Variants in CSTF1 observed in about 807,000 individuals in gnomAD.
The protein encoded by CSTF1 is cleavage stimulation factor subunit 1, also known as CF-1 50 kDa subunit.
A neutral mutation model predicts 40.9 loss-of-function variants in CSTF1; 2 were observed. The observed-to-expected ratio is 0.05, with a 90% CI of 0.02 to 0.15. CSTF1 has a LOEUF of 0.15. CSTF1 is among the 10% of genes least tolerant of loss of function. The pLI is 1.00. For synonymous variants in CSTF1, 218 were observed against 207.2 expected, an observed-to-expected ratio of 1.05 and a Z score of -0.45; for missense variants, 279 against 558.9, an observed-to-expected ratio of 0.50 and a Z score of 5.05.
intron 4 of CSTF1, among the ~76,000 whole-genome samples, chr20:56,398,627 TAAA>T (rs971730804): frequency 4.5e-4 from 69 of 152,282 alleles, no homozygotes; most frequent in African/African-American, 1.6e-3. Context: ...TAGAGCAAAT[TAAA>T]GAAGCTCTTA....
chr20:56,397,121 T>C lies in CSTF1; in HGVS notation c.170-86T>C, dbSNP rs1308596352. On this transcript the variant is annotated intron_variant, in intron 2 of 5. Transcript: ENST00000217109. The surrounding 1 kb of genome is among the most constrained non-coding windows in gnomAD (Gnocchi z 4.4). Reference sequence around the variant, plus strand: ...TAGGAGGTTGACACTGGTGAGCATCTTTCCAGTTTGGATCTAGAATTTTAT... The same window carrying C: ...TAGGAGGTTGACACTGGTGAGCATCCTTCCAGTTTGGATCTAGAATTTTAT... The C allele has an allele frequency of 1.3e-5, 18 of 1,430,194 alleles. No homozygotes were observed. The highest frequency in any genetic ancestry group is 4.3e-5 in the African/African-American group (3 of 70,296). 88.6% of individuals were successfully genotyped at this position (1,430,194 alleles called of 1,614,324 possible).
intron 1 of CSTF1, among the ~76,000 whole-genome samples, chr20:56,394,924 G>T (rs1239808411): frequency 6.6e-6 from 1 of 151,972 alleles, no homozygotes; most frequent in East Asian, 1.9e-4. Flanking sequence ...CCTTTCTAAC[G>T]CATTTAACTC....
At position 56,399,172 on chromosome 20, in the gene CSTF1, G is replaced by C. The variant is rs1296552367; in HGVS notation, c.851G>C (p.Gly284Ala). Residue 284 changes from glycine (G) to alanine (A), a missense_variant, in exon 5 of 6, where the codon GGC (glycine) becomes GCC (alanine). This residue lies in a region of CSTF1 where 162 missense variants were observed against 337.1 expected (regional missense o/e 0.48). Transcript: ENST00000217109. This position sits in a 1 kb window ranked among gnomAD's most constrained non-coding sequence, Gnocchi z 4.6. ...ATGTACGTAACTGGAAGCAAGGACGGCTGCATCAAATTATGGGATGGTGTT... is the reference window on the plus strand; with the variant it reads ...ATGTACGTAACTGGAAGCAAGGACGCCTGCATCAAATTATGGGATGGTGTT... The part of the protein sequence containing the change: ...ANMYVTGSKD[G>A]CIKLWDGVSN... 5.6e-6 allele frequency: 9 copies of C among 1,614,208 alleles called. No individual in the cohort carries two copies. Among genetic ancestry groups the C allele is most frequent in the Non-Finnish European group, 7.6e-6 (9 of 1,180,034 alleles).
chr20:56,392,888 C>T lies in CSTF1; in HGVS notation c.-33+175C>T, dbSNP rs1458390141. ...TGCACCCCTTCCTCTTCTCGAAGGG[C>T]CTCGCTTCCATTCCCACCCAGTCCT... On this transcript the variant is annotated intron_variant, in intron 1 of 5. Coordinates refer to ENST00000217109, the MANE Select transcript of CSTF1 (RefSeq NM_001324.3). The T allele has an allele frequency of 3.9e-5, 6 of 152,196 alleles. No individual in the cohort carries two copies. In the East Asian group the frequency reaches 1.2e-3, roughly 29 times the overall value. The allele number at this position is 152,196 out of a possible 1,614,324, so 9.4% of individuals were successfully genotyped here.
In CSTF1 at chr20:56,397,817, A is replaced by G. The variant is rs540022505; in HGVS notation, c.621A>G (p.Ala207=). 9.7e-5 allele frequency: 156 copies of G among 1,613,640 alleles called. No individual in the cohort carries two copies. In the Admixed American group the frequency reaches 1.0e-3, roughly 11 times the overall value. The part of the protein sequence containing the change: ...LKLFDYSKPS[A]KRAFKYIQEA... ...TATTTGATTATTCCAAACCATCAGC[A>G]AAAAGAGCCTTCAAATACATTCAGG... is the stretch of plus-strand genomic sequence containing the variant. The change falls in exon 4 of 6, where the codon GCA becomes GCG. Residue 207 remains alanine, a synonymous_variant. Transcript: ENST00000217109. The surrounding 1 kb of genome is among the most constrained non-coding windows in gnomAD (Gnocchi z 4.4).
intron 5 of CSTF1, among the ~76,000 whole-genome samples, chr20:56,402,840 C>T (rs368837431): frequency 1.7e-4 from 25 of 151,150 alleles, no homozygotes; most frequent in Non-Finnish European, 2.5e-4. Context: ...GAGGCTGAGG[C>T]GGGAGAATCA....
Position 56,399,149 on chromosome 20 carries a change from G to A in CSTF1, c.828G>A (p.Met276Ile). ...CSVNYNSSAN[M>I]YVTGSKDGCI... Reference sequence around the variant, plus strand: ...TTAATTACAATTCTAGTGCCAATATGTACGTAACTGGAAGCAAGGACGGCT... The same window carrying A: ...TTAATTACAATTCTAGTGCCAATATATACGTAACTGGAAGCAAGGACGGCT... The change falls in exon 5 of 6, where the codon ATG becomes ATA. Residue 276 changes from methionine (M) to isoleucine (I), a missense_variant. This residue lies in a region of CSTF1 where 162 missense variants were observed against 337.1 expected (regional missense o/e 0.48). Coordinates refer to ENST00000217109, the MANE Select transcript of CSTF1 (RefSeq NM_001324.3). The surrounding 1 kb of genome is among the most constrained non-coding windows in gnomAD (Gnocchi z 4.6). 6.2e-7 allele frequency: 1 copy of A among 1,614,180 alleles called. No individual in the cohort carries two copies. Among genetic ancestry groups the A allele is most frequent in the Non-Finnish European group, 8.5e-7 (1 of 1,180,012 alleles).
At chr20:56,393,699 G>T in intron 1 of CSTF1, among the ~76,000 whole-genome samples, 1 of 152,030 alleles carries the variant, frequency 6.6e-6, no homozygotes, top group Non-Finnish European at 1.5e-5. Flanking sequence ...GGTGAACGGA[G>T]GAAATGTATG....
chr20:56,400,988 G>A (rs553706495), intron 5 of CSTF1, among the ~76,000 whole-genome samples: 16 of 152,224 alleles, frequency 1.1e-4, no homozygotes, highest in South Asian at 6.2e-4. Flanking sequence ...GCAGTGAGCC[G>A]AGATTGCGCT....
At chr20:56,393,585 A>T (rs1987395466) in intron 1 of CSTF1, among the ~76,000 whole-genome samples, 1 of 142,378 alleles carries the variant, frequency 7.0e-6, no homozygotes, top group African/African-American at 2.6e-5. Flanking sequence ...CTAAAAGTTG[A>T]AGTCAGATGA....
chr20:56,403,443 C>T (rs1226563622), intron 5 of CSTF1, 25 bp from the exon 6 acceptor site: 5 of 1,612,176 alleles, frequency 3.1e-6, no homozygotes, highest in Non-Finnish European at 3.4e-6. Flanking sequence ...ACTTAGAAAG[C>T]TATCCCTCTT....
chr20:56,398,840 A>T, intron 4 of CSTF1, 127 bp from the exon 5 acceptor site: 2 of 860,354 alleles, frequency 2.3e-6, no homozygotes, highest in Non-Finnish European at 3.5e-6. Flanking sequence ...TTTTTTTCTT[A>T]TGATACCTGT....
chr20:56,403,685 C>T lies in CSTF1; in HGVS notation c.1254C>T (p.Asp418=). The T allele has an allele frequency of 6.2e-7, 1 of 1,614,006 alleles. No individual in the cohort carries two copies. The highest frequency in any genetic ancestry group is 8.5e-7 in the Non-Finnish European group (1 of 1,179,912). The change falls in exon 6 of 6, where the codon GAC becomes GAT. Residue 418 remains aspartate (D), a synonymous_variant. Coordinates refer to ENST00000217109, the MANE Select transcript of CSTF1 (RefSeq NM_001324.3). ...CCGGGTTCATGACGTGCAGCGATGACTTCAGAGCGCGGTTTTGGTACCGGA... is the reference window on the plus strand; with the variant it reads ...CCGGGTTCATGACGTGCAGCGATGATTTCAGAGCGCGGTTTTGGTACCGGA... ...TNPGFMTCSD[D]FRARFWYRRS... is the part of the protein sequence containing the mutation.
intron 1 of CSTF1, among the ~76,000 whole-genome samples, chr20:56,393,811 A>T (rs1042553197): frequency 1.3e-5 from 2 of 152,146 alleles, no homozygotes; most frequent in African/African-American, 4.8e-5. Flanking sequence ...GTTTATAAGG[A>T]TTCGTGACAA....
In CSTF1 at chr20:56,396,113, T is replaced by C. The variant is rs1987511672; in HGVS notation, c.169+392T>C. 2.0e-5 allele frequency among the ~76,000 whole-genome samples: 3 copies of C among 152,220 alleles called. No individual in the cohort carries two copies. In the South Asian group the frequency reaches 6.2e-4, roughly 32 times the overall value. The stretch of plus-strand genomic sequence containing the variant: ...TCCCATTTGTTTTATAACAGTTGTT[T>C]TGAAATTTCCTTTATCATTTGGGCT... On this transcript the variant is annotated intron_variant, in intron 2 of 5. Transcript: ENST00000217109.
At chr20:56,401,780 T>C (rs759491244) in intron 5 of CSTF1, among the ~76,000 whole-genome samples, 1 of 152,236 alleles carries the variant, frequency 6.6e-6, no homozygotes, top group Non-Finnish European at 1.5e-5. Context: ...CATTCTCTTA[T>C]TCTTAATCCT....
chr20:56,400,582 A>G (rs1274568596), intron 5 of CSTF1, among the ~76,000 whole-genome samples: 1 of 152,162 alleles, frequency 6.6e-6, no homozygotes, highest in Non-Finnish European at 1.5e-5. Context: ...TTATAATAGT[A>G]TGAGGTTGAT....
chr20:56,400,970 T>G (rs1375658073), intron 5 of CSTF1, among the ~76,000 whole-genome samples: 1 of 151,510 alleles, frequency 6.6e-6, no homozygotes, highest in Non-Finnish European at 1.5e-5. Context: ...ACCTGGGAGG[T>G]GGAGGTTGCA....
At chr20:56,402,912 C>T (rs1314322606) in intron 5 of CSTF1, among the ~76,000 whole-genome samples, 4 of 146,044 alleles carry the variant, frequency 2.7e-5, no homozygotes, top group Non-Finnish European at 6.0e-5. Context: ...TCCAGCCTGG[C>T]GACAGAGTGA....
Sources: allele counts gnomAD v4.1 joint callset (sites outside exome capture counted in the v4.1 genomes callset), GRCh38; gene constraint gnomAD v4.1.1; regional missense constraint gnomAD v4.1.1; non-coding constraint Gnocchi (gnomAD v3.1); transcripts MANE v1.5; gene names NCBI Gene and HGNC (gene_info 2026-07-23, HGNC 2026-07-21).